The following S100Z variants were observed in gnomAD, a reference collection of about 807,000 sequenced individuals.
S100Z encodes the protein protein S100-Z.
A neutral mutation model predicts 8.5 loss-of-function variants in S100Z; 11 were observed. The ratio of observed to expected loss-of-function variants is 1.30; its 90% confidence interval spans 0.82 to 2.15. The LOEUF is 2.15. Ranked by LOEUF, S100Z falls within the 30% of genes most tolerant of loss-of-function variation. S100Z has a pLI of 0.00. For synonymous variants in S100Z, 34 were observed against 43.8 expected, an observed-to-expected ratio of 0.78 and a Z score of 0.89; for missense variants, 126 against 117.9, an observed-to-expected ratio of 1.07 and a Z score of -0.32.
chr5:76,927,564 C>A, the S100Z span, among the ~76,000 whole-genome samples: 1 of 152,236 alleles, frequency 6.6e-6, no homozygotes, highest in Non-Finnish European at 1.5e-5. Flanking sequence ...AAATCAGTCA[C>A]CTCAATGGCT....
chr5:76,929,024 G>A, the S100Z span, among the ~76,000 whole-genome samples: 2 of 152,222 alleles, frequency 1.3e-5, no homozygotes, highest in Non-Finnish European at 1.5e-5. Context: ...GATTATAGGC[G>A]TGAGCCTCTG....
chr5:76,850,357 AGG>A (rs1750691572), intron 1 of S100Z, among the ~76,000 whole-genome samples: 1 of 148,304 alleles, frequency 6.7e-6, no homozygotes, highest in Non-Finnish European at 1.5e-5. Flanking sequence ...AGAGAGAGAG[AGG>A]GAGAGAGCAG....
intron 4 of S100Z, among the ~76,000 whole-genome samples, chr5:76,911,842 T>G (rs1476291760): frequency 6.6e-6 from 1 of 152,168 alleles, no homozygotes; most frequent in Non-Finnish European, 1.5e-5. Context: ...ATCCTCACCC[T>G]AAGACATTAA....
intron 4 of S100Z, among the ~76,000 whole-genome samples, chr5:76,912,631 TG>T (rs1744708941): frequency 6.6e-6 from 1 of 152,150 alleles, no homozygotes; most frequent in Admixed American, 6.5e-5. Context: ...TGCTGTAATA[TG>T]GGAAGAAAGA....
the S100Z span, among the ~76,000 whole-genome samples, chr5:76,932,342 G>A: frequency 6.6e-6 from 1 of 152,130 alleles, no homozygotes; most frequent in African/African-American, 2.4e-5. Flanking sequence ...CTCACGATGA[G>A]ACCGAAGTGA....
chr5:76,911,552 C>T (rs376454735), intron 4 of S100Z, among the ~76,000 whole-genome samples: 2 of 152,186 alleles, frequency 1.3e-5, no homozygotes, highest in African/African-American at 4.8e-5. Context: ...TAGGGATAGC[C>T]CTCACCTGTT....
At chr5:76,910,906 T>C (rs1275083391) in intron 4 of S100Z, among the ~76,000 whole-genome samples, 3 of 152,234 alleles carry the variant, frequency 2.0e-5, no homozygotes, top group Non-Finnish European at 4.4e-5. Context: ...TCAGTTGTAA[T>C]TGGGAGACTT....
chr5:76,896,285 G>A (rs768990696), intron 4 of S100Z, among the ~76,000 whole-genome samples: 14 of 152,120 alleles, frequency 9.2e-5, no homozygotes, highest in Non-Finnish European at 1.8e-4. Flanking sequence ...GAGGACATGC[G>A]ATGTTTGTCT....
At chr5:76,931,471 C>T in the S100Z span, among the ~76,000 whole-genome samples, 1 of 152,124 alleles carries the variant, frequency 6.6e-6, no homozygotes, top group Non-Finnish European at 1.5e-5. Context: ...ACACTCATGA[C>T]CTCATCTAAA....
rs143395167 is a variant in S100Z, at chr5:76,875,476, G to A, written c.117G>A (p.Gln39=). 2,510 of 1,611,330 alleles carry A rather than the reference G, an allele frequency of 1.6e-3. 2 individuals are homozygous for A. The highest frequency in any genetic ancestry group is 2.0e-3 in the Non-Finnish European group (2,302 of 1,178,962). Residue 39 remains glutamine, a synonymous_variant, in exon 3 of 5, where the codon CAG becomes CAA. Transcript: ENST00000317593. ...AGGGGGAACTGAAACTGCTCCTGCAGCGAGAGCTCACGGAATTCCTCTCGG... is the reference window on the plus strand; with the variant it reads ...AGGGGGAACTGAAACTGCTCCTGCAACGAGAGCTCACGGAATTCCTCTCGG... ...LSKGELKLLL[Q]RELTEFLSCQ...
At chr5:76,904,749 T>C (rs567817650) in intron 4 of S100Z, among the ~76,000 whole-genome samples, 19 of 152,014 alleles carry the variant, frequency 1.2e-4, no homozygotes, top group Non-Finnish European at 2.6e-4. Flanking sequence ...CTCCCTGTGT[T>C]GCCCAGGCTG....
chr5:76,933,296 C>T, the S100Z span, among the ~76,000 whole-genome samples: 3 of 152,200 alleles, frequency 2.0e-5, no homozygotes, highest in Admixed American at 6.5e-5. Context: ...GAAAGAAAAA[C>T]GTTGTTCCAG....
chr5:76,891,971 C>G (rs1476232475), intron 4 of S100Z, among the ~76,000 whole-genome samples: 1 of 152,168 alleles, frequency 6.6e-6, no homozygotes, highest in Non-Finnish European at 1.5e-5. Flanking sequence ...GGGTACTTAT[C>G]AAACATTAGG....
chr5:76,924,187 A>G (rs1350259333), downstream of S100Z, among the ~76,000 whole-genome samples: 1 of 152,190 alleles, frequency 6.6e-6, no homozygotes, highest in Non-Finnish European at 1.5e-5. Flanking sequence ...TGAACTGAAC[A>G]TTGGGCCCAT....
At chr5:76,894,721 G>A (rs749523377) in intron 4 of S100Z, among the ~76,000 whole-genome samples, 21 of 150,876 alleles carry the variant, frequency 1.4e-4, no homozygotes, top group Non-Finnish European at 2.5e-4. Context: ...TCAGCCTCCC[G>A]AGTAGCTGGG....
chr5:76,876,188 T>A (rs1269645274), intron 3 of S100Z, among the ~76,000 whole-genome samples: 1 of 152,186 alleles, frequency 6.6e-6, no homozygotes, highest in Non-Finnish European at 1.5e-5. Flanking sequence ...TCGTGTGATG[T>A]TATTCTCTCC....
At chr5:76,915,058 C>G (rs1744808549) in intron 4 of S100Z, among the ~76,000 whole-genome samples, 1 of 152,186 alleles carries the variant, frequency 6.6e-6, no homozygotes. Flanking sequence ...GCAATCCCAG[C>G]ACTTTGGGAG....
intron 4 of S100Z, among the ~76,000 whole-genome samples, chr5:76,909,726 G>A (rs905548282): frequency 7.9e-5 from 12 of 152,290 alleles, no homozygotes; most frequent in African/African-American, 1.9e-4. Flanking sequence ...CCCAACCTGG[G>A]TACATGTCCC....
chr5:76,889,718 A>G (rs1743792625), intron 4 of S100Z, among the ~76,000 whole-genome samples: 1 of 152,280 alleles, frequency 6.6e-6, no homozygotes. Flanking sequence ...CTTTTCCAGT[A>G]AAGGAGAGGC....
Sources: gnomAD v4.1 joint callset for allele counts (sites outside exome capture counted in the v4.1 genomes callset) on GRCh38, gnomAD v4.1.1 for gene constraint, MANE v1.5 for transcripts, NCBI Gene and HGNC (gene_info 2026-07-23, HGNC 2026-07-21) for gene names.